The following XKR4 variants were observed in gnomAD, a reference collection of about 807,000 sequenced individuals.
The protein encoded by XKR4 is XK-related protein 4.
A neutral mutation model predicts 53.9 loss-of-function variants in XKR4; 12 were observed. The observed-to-expected ratio is 0.22, with a 90% CI of 0.14 to 0.36. XKR4 has a LOEUF of 0.36. Among genes scored for constraint, XKR4 ranks in the 10% least tolerant of loss-of-function variants. XKR4 has a pLI of 1.00. For synonymous variants in XKR4, 354 were observed against 362.4 expected (o/e 0.98, Z 0.26); for missense variants, 799 against 859.5 (o/e 0.93, Z 0.88).
chr8:55,238,196 C>G (rs1563490301), intron 1 of XKR4, among the ~76,000 whole-genome samples: 1 of 152,140 alleles, frequency 6.6e-6, no homozygotes, highest in Non-Finnish European at 1.5e-5. Flanking sequence ...GGCCACCCAG[C>G]CACATGTACA....
chr8:55,402,623 G>A (rs1051147222), intron 2 of XKR4, among the ~76,000 whole-genome samples: 10 of 152,214 alleles, frequency 6.6e-5, no homozygotes, highest in African/African-American at 2.4e-4. Flanking sequence ...CTTTTACTAT[G>A]ATTCAAATTG....
chr8:55,328,864 C>T (rs745906295), intron 1 of XKR4, among the ~76,000 whole-genome samples: 43 of 152,082 alleles, frequency 2.8e-4, no homozygotes, highest in Non-Finnish European at 4.4e-4. Context: ...CCTTAACTAC[C>T]CAATCTAATT....
chr8:55,327,075 T>C (rs1563325078), intron 1 of XKR4, among the ~76,000 whole-genome samples: 1 of 152,108 alleles, frequency 6.6e-6, no homozygotes, highest in Non-Finnish European at 1.5e-5. Flanking sequence ...GCAAGGCGTT[T>C]ATGAAACATG....
At chr8:55,259,880 C>T (rs932592665) in intron 1 of XKR4, among the ~76,000 whole-genome samples, 2 of 152,112 alleles carry the variant, frequency 1.3e-5, no homozygotes, top group Non-Finnish European at 2.9e-5. Context: ...CCCTAGCCGT[C>T]CTATCTAAAA....
At chr8:55,464,952 G>A (rs1254347375) in intron 2 of XKR4, among the ~76,000 whole-genome samples, 1 of 151,952 alleles carries the variant, frequency 6.6e-6, no homozygotes, top group Non-Finnish European at 1.5e-5. Context: ...CCTCTTCAAG[G>A]AGAACTACAA....
intron 2 of XKR4, among the ~76,000 whole-genome samples, chr8:55,484,293 A>G (rs990514007): frequency 1.3e-5 from 2 of 152,266 alleles, no homozygotes; most frequent in Admixed American, 6.5e-5. Context: ...TCCAGAGCAT[A>G]GAAAAGGAAG....
chr8:55,183,152 A>G (rs1488473725), intron 1 of XKR4, among the ~76,000 whole-genome samples: 1 of 151,862 alleles, frequency 6.6e-6, no homozygotes, highest in African/African-American at 2.4e-5. Flanking sequence ...TATCAATTTT[A>G]TTGATCTAAG....
Position 55,410,122 on chromosome 8 carries a change from G to A in XKR4, c.1006+52245G>A, listed in dbSNP as rs1290086443. 4.0e-5 allele frequency among the ~76,000 whole-genome samples: 6 copies of A among 151,660 alleles called. No individual in the cohort carries two copies. In the South Asian group the frequency reaches 1.0e-3, roughly 26 times the overall value. On this transcript the variant is annotated intron_variant, in intron 2 of 2. Transcript: ENST00000327381. ...AAAAAAGCCTTTTGAAATGGAAATG[G>A]TAAAAGTTCTCCCTCTTTCCTGAAG...
chr8:55,248,280 G>A (rs1264766286), intron 1 of XKR4, among the ~76,000 whole-genome samples: 11 of 152,072 alleles, frequency 7.2e-5, no homozygotes, highest in Admixed American at 7.2e-4. Context: ...TTTTTCATAG[G>A]CATACAATAC....
chr8:55,474,259 A>G (rs1805942495), intron 2 of XKR4, among the ~76,000 whole-genome samples: 2 of 152,108 alleles, frequency 1.3e-5, no homozygotes, highest in Admixed American at 6.5e-5. Context: ...CTGATCACTG[A>G]TGGACAGTTA....
At chr8:55,475,686 C>A (rs904685191) in intron 2 of XKR4, among the ~76,000 whole-genome samples, 2 of 151,828 alleles carry the variant, frequency 1.3e-5, no homozygotes, top group Non-Finnish European at 2.9e-5. Flanking sequence ...TCACTGCAAC[C>A]TCCACCTCCC....
At chr8:55,255,588 A>G (rs1054442889) in intron 1 of XKR4, among the ~76,000 whole-genome samples, 6 of 152,200 alleles carry the variant, frequency 3.9e-5, no homozygotes, top group Non-Finnish European at 2.9e-5. Context: ...TAGTGTATAA[A>G]TGAACAACCA....
intron 1 of XKR4, among the ~76,000 whole-genome samples, chr8:55,349,321 A>T (rs1373705792): frequency 6.6e-6 from 1 of 152,232 alleles, no homozygotes; most frequent in East Asian, 1.9e-4. Flanking sequence ...TGCAGTAAAT[A>T]CCATCTGAGC....
intron 1 of XKR4, among the ~76,000 whole-genome samples, chr8:55,163,635 C>T (rs1416724875): frequency 6.6e-6 from 1 of 152,116 alleles, no homozygotes; most frequent in Non-Finnish European, 1.5e-5. Context: ...CACCTGAGTT[C>T]AGGAGTTCAA....
intron 1 of XKR4, among the ~76,000 whole-genome samples, chr8:55,250,852 A>G (rs1435057295): frequency 1.3e-5 from 2 of 152,222 alleles, no homozygotes; most frequent in African/African-American, 4.8e-5. Flanking sequence ...ATGATTCTTT[A>G]CCTTAAAACC....
intron 2 of XKR4, among the ~76,000 whole-genome samples, chr8:55,435,060 TAC>T (rs1805155057): frequency 6.6e-6 from 1 of 152,184 alleles, no homozygotes; most frequent in African/African-American, 2.4e-5. Context: ...GGGCCACTCA[TAC>T]ACACACAATG....
At chr8:55,478,760 A>G (rs1451384394) in intron 2 of XKR4, among the ~76,000 whole-genome samples, 1 of 152,152 alleles carries the variant, frequency 6.6e-6, no homozygotes. Flanking sequence ...CTAGTCTCTG[A>G]TAAAACAGAC....
At chr8:55,429,261 A>G (rs986654266) in intron 2 of XKR4, among the ~76,000 whole-genome samples, 7 of 152,256 alleles carry the variant, frequency 4.6e-5, no homozygotes, top group African/African-American at 1.7e-4. Context: ...CTCACTTCTT[A>G]TACAAGAATT....
intron 1 of XKR4, among the ~76,000 whole-genome samples, chr8:55,355,431 A>G (rs1803783959): frequency 6.6e-6 from 1 of 152,210 alleles, no homozygotes; most frequent in South Asian, 2.1e-4. Context: ...AGACAAAGCA[A>G]TGGATTAGAA....
Sources: allele counts gnomAD v4.1 joint callset (sites outside exome capture counted in the v4.1 genomes callset), GRCh38; gene constraint gnomAD v4.1.1; transcripts MANE v1.5; gene names NCBI Gene and HGNC (gene_info 2026-07-23, HGNC 2026-07-21).